Variants in MTA3 observed in about 807,000 individuals in gnomAD.
MTA3 encodes metastasis-associated protein MTA3.
In MTA3, 34 loss-of-function variants were observed where a neutral mutation model predicts 83.5. That is an observed-to-expected ratio of 0.41 (90% CI 0.31 to 0.54). The LOEUF (loss-of-function observed/expected upper bound fraction) is 0.54, where lower values mean the gene tolerates loss of function less well. Ranked by LOEUF, MTA3 falls within the 20% of genes least tolerant of loss-of-function variation. The pLI is 0.33. For missense variants in MTA3, 761 were observed against 726.4 expected (o/e 1.05, Z -0.55); for synonymous variants, 303 against 252.7 (o/e 1.20, Z -1.89).
chr2:42,501,248 T>C (rs540911987), intron 2 of MTA3, among the ~76,000 whole-genome samples: 1 of 152,332 alleles, frequency 6.6e-6, no homozygotes, highest in South Asian at 2.1e-4. Context: ...TGTTGTTTTA[T>C]AAGATGCATT....
chr2:42,655,392 T>A lies in MTA3; in HGVS notation c.500-808T>A, dbSNP rs193098114. On this transcript the variant is annotated intron_variant, in intron 6 of 16. Transcript: ENST00000405094. ...TTTGTTCATGTTCTCATTTCTTTTT[T>A]AAAAAATCTTCCCCTGCTGGTGCAT... Among the ~76,000 whole-genome samples the A allele has an allele frequency of 5.0e-3, 755 of 152,296 alleles. 6 individuals are homozygous for A. The highest frequency in any genetic ancestry group is 0.01 in the Middle Eastern group (3 of 294).
At chr2:42,572,121 C>G (rs1405688902) in intron 2 of MTA3, among the ~76,000 whole-genome samples, 2 of 150,848 alleles carry the variant, frequency 1.3e-5, no homozygotes, top group Non-Finnish European at 3.0e-5. Context: ...ACTAAAAATA[C>G]AAAAAAAATT....
intron 2 of MTA3, among the ~76,000 whole-genome samples, chr2:42,550,222 T>G (rs905432830): frequency 6.6e-6 from 1 of 152,198 alleles, no homozygotes; most frequent in Non-Finnish European, 1.5e-5. Flanking sequence ...CTGGTTTTGC[T>G]GTCACACCTC....
intron 3 of MTA3, among the ~76,000 whole-genome samples, chr2:42,586,307 A>G (rs1573075288): frequency 6.6e-6 from 1 of 151,284 alleles, no homozygotes; most frequent in Non-Finnish European, 1.5e-5. Flanking sequence ...AATTTAGGCC[A>G]GGGGCAGTGG....
At chr2:42,695,667 T>C in intron 9 of MTA3, 98 bp from the exon 10 acceptor site, 3 of 172,160 alleles carry the variant, frequency 1.7e-5, no homozygotes, top group South Asian at 9.4e-5. Context: ...AAAAAGAAAG[T>C]GGTGGTTTTT....
chr2:42,679,059 C>T (rs1691638720), intron 8 of MTA3, among the ~76,000 whole-genome samples: 1 of 152,048 alleles, frequency 6.6e-6, no homozygotes. Flanking sequence ...TGATCTGGTG[C>T]CCCAGGTTCT....
upstream of MTA3, among the ~76,000 whole-genome samples, chr2:42,567,454 G>A (rs1359725573): frequency 6.6e-6 from 1 of 152,024 alleles, no homozygotes; most frequent in Non-Finnish European, 1.5e-5. Context: ...TCTTAGCCCC[G>A]CACAGACCTT....
chr2:42,512,840 T>C (rs966415347), intron 2 of MTA3, among the ~76,000 whole-genome samples: 3 of 152,174 alleles, frequency 2.0e-5, no homozygotes, highest in African/African-American at 7.2e-5. Context: ...GTTAAGACTT[T>C]CAATTTATAG....
chr2:42,557,353 C>G (rs1486728464), intron 2 of MTA3, among the ~76,000 whole-genome samples: 1 of 147,188 alleles, frequency 6.8e-6, no homozygotes, highest in Non-Finnish European at 1.5e-5. Flanking sequence ...GTTCTAGAAG[C>G]CTGGAGGGGG....
intron 2 of MTA3, among the ~76,000 whole-genome samples, chr2:42,507,354 T>C (rs1674681326): frequency 6.6e-6 from 1 of 151,836 alleles, no homozygotes; most frequent in Non-Finnish European, 1.5e-5. Flanking sequence ...TTTTTTTATA[T>C]AGAGATGGGG....
intron 5 of MTA3, among the ~76,000 whole-genome samples, chr2:42,642,851 G>A (rs1687819722): frequency 6.6e-6 from 1 of 151,958 alleles, no homozygotes; most frequent in Non-Finnish European, 1.5e-5. Context: ...CACCATGTTG[G>A]CGAGGCTAGT....
intron 4 of MTA3, among the ~76,000 whole-genome samples, chr2:42,630,379 G>A (rs1686559973): frequency 6.6e-6 from 1 of 152,174 alleles, no homozygotes; most frequent in African/African-American, 2.4e-5. Context: ...ATACAAACAT[G>A]AAGTATACAA....
intron 2 of MTA3, among the ~76,000 whole-genome samples, chr2:42,501,043 C>G (rs1296714452): frequency 6.6e-6 from 1 of 152,132 alleles, no homozygotes; most frequent in African/African-American, 2.4e-5. Context: ...ATCTCCTGAC[C>G]TCATGACCTG....
chr2:42,584,571 A>G (rs1680047734), intron 3 of MTA3, among the ~76,000 whole-genome samples: 1 of 150,720 alleles, frequency 6.6e-6, no homozygotes, highest in African/African-American at 2.4e-5. Context: ...GATGGAGTCT[A>G]GCTCTGTTGC....
At chr2:42,680,603 C>T (rs767666719) in intron 8 of MTA3, among the ~76,000 whole-genome samples, 6 of 152,224 alleles carry the variant, frequency 3.9e-5, no homozygotes, top group East Asian at 1.9e-4. Flanking sequence ...TGCTAATCCG[C>T]GACATAGGCA....
chr2:42,745,873 G>C (rs1353220134), intron 16 of MTA3, among the ~76,000 whole-genome samples: 2 of 135,372 alleles, frequency 1.5e-5, no homozygotes, highest in African/African-American at 5.6e-5. Flanking sequence ...GAATGCAGTG[G>C]CTCAATCTTA....
rs199789562 is a variant in MTA3 at position 42,711,908 on chromosome 2, G to A, written c.1525+2812G>A. On this transcript the variant is annotated intron_variant, in intron 14 of 16. Coordinates refer to ENST00000405094, the MANE Select transcript of MTA3 (RefSeq NM_001330442.2). ...AGAATCGCTGTGATGCAATGTGAAT[G>A]TACTTTCAGATAAGGCTGAAGTGTG... Among the ~76,000 whole-genome samples the A allele has an allele frequency of 1.4e-4, 21 of 152,104 alleles. No homozygotes were observed. In the East Asian group the frequency reaches 3.9e-3, roughly 28 times the overall value.
intron 2 of MTA3, among the ~76,000 whole-genome samples, chr2:42,562,690 C>T (rs902879716): frequency 1.3e-5 from 2 of 152,158 alleles, no homozygotes; most frequent in African/African-American, 2.4e-5. Flanking sequence ...CTCAGGGAAC[C>T]TGCTTCTTTC....
intron 8 of MTA3, among the ~76,000 whole-genome samples, chr2:42,676,064 T>C (rs1257929704): frequency 6.6e-6 from 1 of 152,218 alleles, no homozygotes. Context: ...GTCTTTGGTA[T>C]AAATGTGCGC....
Sources: gnomAD v4.1 joint callset for allele counts (sites outside exome capture counted in the v4.1 genomes callset) on GRCh38, gnomAD v4.1.1 for gene constraint, MANE v1.5 for transcripts, NCBI Gene and HGNC (gene_info 2026-07-23, HGNC 2026-07-21) for gene names.